Variants in TTC27 observed in about 807,000 individuals in gnomAD.
The protein encoded by TTC27 is tetratricopeptide repeat domain 27, also known as tetratricopeptide repeat protein 27.
TTC27 carries 79 observed loss-of-function variants against 115.9 expected under a neutral mutation model. The ratio of observed to expected loss-of-function variants is 0.68; its 90% CI spans 0.57 to 0.82. The LOEUF (loss-of-function observed/expected upper bound fraction) is 0.82, where lower values mean the gene tolerates loss of function less well. TTC27 is among the 40% of genes least tolerant of loss of function. TTC27 has a pLI of 0.00. For missense variants in TTC27, 1,054 were observed against 993.1 expected, an observed-to-expected ratio of 1.06 and a Z score of -0.82; for synonymous variants, 401 against 356.0, an observed-to-expected ratio of 1.13 and a Z score of -1.42.
At chr2:32,773,482 T>A (rs1669896150) in intron 13 of TTC27, among the ~76,000 whole-genome samples, 1 of 152,196 alleles carries the variant, frequency 6.6e-6, no homozygotes, top group African/African-American at 2.4e-5. Context: ...TCTTTATTGG[T>A]GACAAGGATG....
Position 32,633,961 on chromosome 2 carries a change from C to T in TTC27, c.352C>T (p.Pro118Ser), listed in dbSNP as rs1328204148. Reference protein sequence around the residue: ...NWTGPPVDLHPQDFLSSVLFQ... With the variant: ...NWTGPPVDLHSQDFLSSVLFQ... ...GACGGGGCCCCCTGTTGACTTACAC[C>T]CTCAGGACTTTTTGTCATCTGTTTT... Residue 118 changes from proline (P) to serine (S), a missense_variant, in exon 3 of 20, where the codon CCT (proline) becomes TCT (serine). Transcript: ENST00000317907. The T allele has an allele frequency of 1.2e-6, 2 of 1,613,794 alleles. No homozygotes were observed. Among genetic ancestry groups the T allele is most frequent in the Non-Finnish European group, 8.5e-7 (1 of 1,179,862 alleles).
chr2:32,650,079 A>G, intron 4 of TTC27, 52 bp from the exon 5 acceptor site: 2 of 1,435,898 alleles, frequency 1.4e-6, no homozygotes, highest in Non-Finnish European at 1.9e-6. Context: ...TAATGTAAAA[A>G]GAGTTTTCTA....
chr2:32,775,241 G>A (rs184449983), intron 13 of TTC27, among the ~76,000 whole-genome samples: 1,712 of 152,088 alleles, frequency 0.011, 35 homozygotes, highest in African/African-American at 0.038. Flanking sequence ...TCTGTCACCC[G>A]GGCTGGAGTG....
intron 6 of TTC27, 120 bp from the exon 7 acceptor site, chr2:32,666,515 C>G: frequency 9.3e-7 from 1 of 1,077,798 alleles, no homozygotes; most frequent in East Asian, 2.8e-5. Flanking sequence ...TCAGGACTTT[C>G]TTATGTGAAA....
At chr2:32,679,089 AT>A (rs1666329654) in intron 9 of TTC27, among the ~76,000 whole-genome samples, 167 bp downstream of exon 9, 1 of 152,164 alleles carries the variant, frequency 6.6e-6, no homozygotes, top group South Asian at 2.1e-4. Flanking sequence ...CTTGCTGCTG[AT>A]TTAAGAGTCT....
chr2:32,633,784 A>AT, intron 2 of TTC27, 92 bp from the exon 3 acceptor site: 1 of 1,389,048 alleles, frequency 7.2e-7, no homozygotes, highest in Non-Finnish European at 9.8e-7. Flanking sequence ...GATAGATATT[A>AT]TTTTCTTAAT....
At chr2:32,757,222 C>T (rs1489618322) in intron 12 of TTC27, among the ~76,000 whole-genome samples, 3 of 152,172 alleles carry the variant, frequency 2.0e-5, no homozygotes, top group African/African-American at 7.2e-5. Context: ...GGCTCCCCAA[C>T]CATACCGTTT....
At chr2:32,668,819 C>G (rs1280900238) in intron 7 of TTC27, among the ~76,000 whole-genome samples, 5 of 149,218 alleles carry the variant, frequency 3.4e-5, no homozygotes, top group Non-Finnish European at 7.4e-5. Context: ...GTGGCTCACG[C>G]CTGTAATCCC....
chr2:32,714,479 T>C (rs1382440718), intron 10 of TTC27, among the ~76,000 whole-genome samples: 1 of 152,158 alleles, frequency 6.6e-6, no homozygotes, highest in Non-Finnish European at 1.5e-5. Flanking sequence ...ATTTTCTTTA[T>C]TTAGTCTACT....
chr2:32,672,273 A>C lies in TTC27; in HGVS notation c.941A>C (p.Asn314Thr). The C allele has an allele frequency of 1.9e-6, 3 of 1,611,408 alleles. No homozygotes were observed. The highest frequency in any genetic ancestry group is 1.3e-5 in the African/African-American group (1 of 74,988). The change falls in exon 8 of 20, where the codon AAT becomes ACT. Residue 314 changes from asparagine to threonine, a missense_variant and splice_region_variant. By Grantham distance (65) the Asn-to-Thr change is moderately conservative. Transcript: ENST00000317907. Reference protein sequence around the residue: ...APTPQEHLTKNLELNDDTILN... With the variant: ...APTPQEHLTKTLELNDDTILN... ...GTATTTTCTTTTGTATTCTACTAGA[A>C]TCTTGAGCTCAATGATGACACCATT...
intron 13 of TTC27, among the ~76,000 whole-genome samples, chr2:32,761,101 C>G (rs974630432): frequency 6.6e-6 from 1 of 152,186 alleles, no homozygotes; most frequent in Admixed American, 6.5e-5. Flanking sequence ...CCATTCCTCA[C>G]TCCAACCTAA....
chr2:32,756,682 C>T (rs1432596136), intron 12 of TTC27, among the ~76,000 whole-genome samples: 1 of 152,194 alleles, frequency 6.6e-6, no homozygotes, highest in East Asian at 1.9e-4. Flanking sequence ...TTCGGATTGC[C>T]AACTGATGTA....
intron 10 of TTC27, among the ~76,000 whole-genome samples, chr2:32,708,875 A>T (rs1667477142): frequency 6.6e-6 from 1 of 152,152 alleles, no homozygotes; most frequent in Non-Finnish European, 1.5e-5. Flanking sequence ...GGTATATAAT[A>T]CATATAACAT....
intron 4 of TTC27, among the ~76,000 whole-genome samples, chr2:32,641,119 A>C (rs2151863568): frequency 6.6e-6 from 1 of 152,354 alleles, no homozygotes. Flanking sequence ...TTTCTGGCTC[A>C]CATTCTATGT....
chr2:32,634,784 G>C (rs956117868), intron 3 of TTC27, among the ~76,000 whole-genome samples: 4 of 151,808 alleles, frequency 2.6e-5, no homozygotes, highest in Non-Finnish European at 5.9e-5. Flanking sequence ...AGCCTCCCTA[G>C]TAGCTGGGAT....
intron 9 of TTC27, among the ~76,000 whole-genome samples, chr2:32,681,142 T>G (rs1666409780): frequency 2.6e-5 from 4 of 152,192 alleles, no homozygotes. Context: ...GCTGTTTGAT[T>G]ACAATGACTC....
chr2:32,796,451 A>T (rs1272917257), intron 16 of TTC27, among the ~76,000 whole-genome samples: 1 of 152,218 alleles, frequency 6.6e-6, no homozygotes, highest in Non-Finnish European at 1.5e-5. Context: ...GAAATCAGAA[A>T]TGAAAATGGG....
rs1572451616 is a variant in TTC27, at chr2:32,628,164, C to T, written c.-129C>T. Reference sequence around the variant, plus strand: ...ATCCGCACATGGAATTCTAGGGCCGCAGGTGTATTTACGGTAACTGTCGCC... The same window carrying T: ...ATCCGCACATGGAATTCTAGGGCCGTAGGTGTATTTACGGTAACTGTCGCC... On this transcript the variant is annotated 5_prime_UTR_variant, in exon 1 of 20. Transcript: ENST00000317907. 1.2e-6 allele frequency: 1 copy of T among 814,164 alleles called. No homozygotes were observed. Among genetic ancestry groups the T allele is most frequent in the African/African-American group, 1.7e-5 (1 of 57,432 alleles). 50.4% of individuals were successfully genotyped at this position (814,164 alleles called of 1,614,324 possible). A position where few individuals can be genotyped will look rare whatever the true frequency, so the allele number is the denominator to read the frequency against.
intron 13 of TTC27, among the ~76,000 whole-genome samples, chr2:32,764,029 C>A (rs1669537263): frequency 6.6e-6 from 1 of 152,166 alleles, no homozygotes; most frequent in Non-Finnish European, 1.5e-5. Context: ...AAAGAAATTA[C>A]TCAGCTATCA....
Sources: allele counts gnomAD v4.1 joint callset (sites outside exome capture counted in the v4.1 genomes callset), GRCh38; gene constraint gnomAD v4.1.1; transcripts MANE v1.5; gene names NCBI Gene and HGNC (gene_info 2026-07-23, HGNC 2026-07-21).